Variants in INO80 observed in about 807,000 individuals in gnomAD.
INO80 encodes INO80 complex ATPase subunit, also known as chromatin-remodeling ATPase INO80.
In INO80, 20 loss-of-function variants were observed where a neutral mutation model predicts 203.4. The ratio of observed to expected loss-of-function variants is 0.10; its 90% CI spans 0.07 to 0.14. INO80 has a LOEUF of 0.14. Among genes scored for constraint, INO80 ranks in the 10% least tolerant of loss-of-function variants. The probability of loss-of-function intolerance (pLI) is 1.00; values close to 1 mark genes in which losing one functional copy is unlikely to be tolerated. For synonymous variants in INO80, 726 were observed against 685.2 expected, an observed-to-expected ratio of 1.06 and a Z score of -0.93; for missense variants, 1,419 against 1,914.4, an observed-to-expected ratio of 0.74 and a Z score of 4.83.
chr15:40,995,461 A>G (rs2043869387), intron 29 of INO80, among the ~76,000 whole-genome samples: 1 of 152,200 alleles, frequency 6.6e-6, no homozygotes, highest in Non-Finnish European at 1.5e-5. Context: ...TGGTCTGATA[A>G]TTAAGCTATA....
At chr15:41,064,450 G>C (rs1162096446) in intron 14 of INO80, among the ~76,000 whole-genome samples, 1 of 152,094 alleles carries the variant, frequency 6.6e-6, no homozygotes, top group African/African-American at 2.4e-5. Flanking sequence ...TGTGATCATA[G>C]CTCACTGTAG....
chr15:41,113,626 T>G (rs2140723279), intron 1 of INO80, among the ~76,000 whole-genome samples: 1 of 152,260 alleles, frequency 6.6e-6, no homozygotes, highest in East Asian at 1.9e-4. Context: ...TTTGTTTTGT[T>G]TTTAGAGACA....
chr15:41,007,262 A>G (rs1049876423), intron 27 of INO80, among the ~76,000 whole-genome samples: 2 of 145,984 alleles, frequency 1.4e-5, no homozygotes, highest in African/African-American at 2.6e-5. Flanking sequence ...GGTTCACTGC[A>G]ACCTCCTCCT....
At chr15:41,003,930 C>T (rs1014506624) in intron 28 of INO80, among the ~76,000 whole-genome samples, 2 of 152,118 alleles carry the variant, frequency 1.3e-5, no homozygotes, top group African/African-American at 2.4e-5. Context: ...GTCTATAGCT[C>T]GCACATAAGA....
At chr15:40,995,123 T>A (rs945587514) in intron 29 of INO80, among the ~76,000 whole-genome samples, 1 of 152,264 alleles carries the variant, frequency 6.6e-6, no homozygotes, top group Non-Finnish European at 1.5e-5. Context: ...CCCAAAGTGC[T>A]GGGATTACAA....
At chr15:41,033,471 CAG>C (rs747278383) in intron 24 of INO80, among the ~76,000 whole-genome samples, 1 of 151,716 alleles carries the variant, frequency 6.6e-6, no homozygotes, top group Non-Finnish European at 1.5e-5. Flanking sequence ...AGTAGAGAGA[CAG>C]AGTGAGACCC....
At chr15:41,041,470 T>C (rs1454660558) in intron 24 of INO80, among the ~76,000 whole-genome samples, 1 of 151,772 alleles carries the variant, frequency 6.6e-6, no homozygotes, top group African/African-American at 2.4e-5. Context: ...GACGGAGTTT[T>C]GCTCCTGTTC....
intron 29 of INO80, among the ~76,000 whole-genome samples, chr15:40,995,242 T>C (rs1201692858): frequency 6.6e-6 from 1 of 152,120 alleles, no homozygotes; most frequent in Non-Finnish European, 1.5e-5. Flanking sequence ...TTTGATTAAC[T>C]TGAATAAAGG....
intron 9 of INO80, among the ~76,000 whole-genome samples, chr15:41,075,389 G>T (rs1180582845): frequency 6.6e-6 from 1 of 151,364 alleles, no homozygotes; most frequent in African/African-American, 2.4e-5. Flanking sequence ...CTCCTGCCTT[G>T]CTCTCCCAAG....
In INO80 at chr15:41,011,409, G is replaced by A. The variant is rs956240471; in HGVS notation, c.3402+4679C>T. ...TAGATTCCTTAAAGTCAAACATCAC[G>A]TCTAACTAATATTTGCATCTGCCTA... On this transcript the variant is annotated intron_variant, in intron 27 of 35. Coordinates refer to ENST00000648947, the MANE Select transcript of INO80 (RefSeq NM_017553.3). Among the ~76,000 whole-genome samples the A allele has an allele frequency of 9.2e-5, 14 of 152,202 alleles. No homozygotes were observed. The East Asian group carries it at 1.7e-3, about 19-fold the overall frequency.
At chr15:41,091,566 G>C (rs1171876071) in intron 5 of INO80, among the ~76,000 whole-genome samples, 1 of 150,958 alleles carries the variant, frequency 6.6e-6, no homozygotes, top group African/African-American at 2.4e-5. Flanking sequence ...TCCCCTTCCT[G>C]TGTCCATGTG....
chr15:40,988,876 G>A (rs992604674), intron 29 of INO80, among the ~76,000 whole-genome samples: 4 of 152,292 alleles, frequency 2.6e-5, no homozygotes, highest in East Asian at 1.9e-4. Flanking sequence ...TTAGCTGGGC[G>A]TGGCAGTGCG....
At chr15:41,110,725 AG>A (rs2045947489) in intron 1 of INO80, among the ~76,000 whole-genome samples, 1 of 152,144 alleles carries the variant, frequency 6.6e-6, no homozygotes, top group South Asian at 2.1e-4. Context: ...GCTACCATGA[AG>A]GTCTTGGTTT....
At chr15:41,052,319 A>G (rs2044889171) in intron 19 of INO80, among the ~76,000 whole-genome samples, 1 of 151,988 alleles carries the variant, frequency 6.6e-6, no homozygotes, top group Non-Finnish European at 1.5e-5. Flanking sequence ...ATTTTGAGAA[A>G]AAAAGACTAA....
intron 22 of INO80, 92 bp downstream of exon 22, chr15:41,048,120 T>A: frequency 1.1e-6 from 1 of 948,596 alleles, no homozygotes; most frequent in Non-Finnish European, 1.7e-6. Flanking sequence ...TAGGCAAAAC[T>A]AATACTCGTT....
intron 9 of INO80, among the ~76,000 whole-genome samples, chr15:41,077,359 C>CAAAA (rs750218617): frequency 1.3e-5 from 1 of 74,468 alleles, no homozygotes; most frequent in Non-Finnish European, 3.2e-5. Context: ...GGGAATACAG[C>CAAAA]AAAAAAAAAA....
intron 24 of INO80, among the ~76,000 whole-genome samples, chr15:41,032,970 G>A (rs751980155): frequency 5.3e-5 from 8 of 152,164 alleles, no homozygotes; most frequent in East Asian, 1.9e-4. Flanking sequence ...CCCGGGAGGC[G>A]GAGGTTGCAG....
At chr15:40,989,307 G>A (rs1179516027) in intron 29 of INO80, among the ~76,000 whole-genome samples, 1 of 152,196 alleles carries the variant, frequency 6.6e-6, no homozygotes, top group Non-Finnish European at 1.5e-5. Context: ...CTCTGGAAGT[G>A]ACTTCTAGTT....
At chr15:41,006,928 C>CT (rs2044049888) in intron 27 of INO80, among the ~76,000 whole-genome samples, 1 of 152,034 alleles carries the variant, frequency 6.6e-6, no homozygotes, top group African/African-American at 2.4e-5. Flanking sequence ...TATCGTAGGA[C>CT]TGAACTAATG....
Sources: gnomAD v4.1 joint callset for allele counts (sites outside exome capture counted in the v4.1 genomes callset) on GRCh38, gnomAD v4.1.1 for gene constraint, MANE v1.5 for transcripts, NCBI Gene and HGNC (gene_info 2026-07-23, HGNC 2026-07-21) for gene names.